Variants in PTPRK observed in about 807,000 individuals in gnomAD.
PTPRK encodes the protein receptor-type tyrosine-protein phosphatase kappa.
Under a neutral mutation model 178.0 loss-of-function variants are expected in PTPRK, and 75 were observed. That is an observed-to-expected ratio of 0.42 (90% confidence interval 0.35 to 0.51). The LOEUF is 0.51. Among genes scored for constraint, PTPRK ranks in the 20% least tolerant of loss-of-function variants. The probability of loss-of-function intolerance (pLI) is 0.02; values close to 1 mark genes in which losing one functional copy is unlikely to be tolerated. For synonymous variants in PTPRK, 637 were observed against 620.6 expected (o/e 1.03, Z -0.39); for missense variants, 1,441 against 1,797.8 (o/e 0.80, Z 3.59).
In PTPRK at chr6:128,218,809, G is replaced by C. The variant is rs957102386; in HGVS notation, c.868+113C>G. 8.4e-6 allele frequency: 8 copies of C among 950,920 alleles called. No homozygotes were observed. In the East Asian group the frequency reaches 2.1e-4, roughly 25 times the overall value. 58.9% of individuals were successfully genotyped at this position (950,920 alleles called of 1,614,324 possible). A position where few individuals can be genotyped will look rare whatever the true frequency, so the allele number is the denominator to read the frequency against. ...ATTGTATGATGATATATTTTTTATA[G>C]TGACTTGACATCAGAAACACTATGG... On this transcript the variant is annotated intron_variant, in intron 6 of 29. Coordinates refer to ENST00000368226, the MANE Select transcript of PTPRK (RefSeq NM_002844.4).
intron 1 of PTPRK, among the ~76,000 whole-genome samples, chr6:128,426,815 T>G (rs1844201323): frequency 6.6e-6 from 1 of 152,100 alleles, no homozygotes; most frequent in Non-Finnish European, 1.5e-5. Context: ...TGCCTGAAAT[T>G]AAATATATAA....
At chr6:128,096,448 T>A (rs543251805) in intron 7 of PTPRK, among the ~76,000 whole-genome samples, 2 of 152,292 alleles carry the variant, frequency 1.3e-5, no homozygotes, top group East Asian at 3.9e-4. Flanking sequence ...CCTGTCTTTT[T>A]GTAGCGATAA....
chr6:128,413,818 T>C (rs947123678), intron 1 of PTPRK, among the ~76,000 whole-genome samples: 6 of 152,208 alleles, frequency 3.9e-5, no homozygotes, highest in African/African-American at 1.4e-4. Flanking sequence ...TACCTTCCTA[T>C]ACTGACCCAA....
At chr6:128,147,837 G>A (rs73588649) in intron 7 of PTPRK, among the ~76,000 whole-genome samples, 8,871 of 152,228 alleles carry the variant, frequency 0.058, 406 homozygotes, top group African/African-American at 0.12. Context: ...AAGTTTACAA[G>A]TGTCTCCTTT....
intron 3 of PTPRK, among the ~76,000 whole-genome samples, chr6:128,247,515 T>C (rs1273348536): frequency 3.3e-5 from 5 of 152,042 alleles, no homozygotes; most frequent in African/African-American, 9.7e-5. Context: ...GACGGGGTTT[T>C]AACATGTTGG....
chr6:128,017,802 G>GTGTGTATATATATATATA (rs1287001811), intron 13 of PTPRK, among the ~76,000 whole-genome samples: 1 of 101,256 alleles, frequency 9.9e-6, no homozygotes, highest in Non-Finnish European at 2.0e-5. Flanking sequence ...ATATATATGT[G>GTGTGTATATATATATATA]TATATATATA....
At chr6:128,113,264 CACAG>C (rs1173220373) in intron 7 of PTPRK, among the ~76,000 whole-genome samples, 3 of 151,706 alleles carry the variant, frequency 2.0e-5, no homozygotes, top group African/African-American at 7.3e-5. Flanking sequence ...TACATATGTA[CACAG>C]ACAGAAGAAA....
Position 127,990,839 on chromosome 6 carries a change from T to A in PTPRK, c.3026A>T (p.Asp1009Val), listed in dbSNP as rs1776527761. 6.2e-7 allele frequency: 1 copy of A among 1,612,250 alleles called. No homozygotes were observed. The highest frequency in any genetic ancestry group is 1.3e-5 in the African/African-American group (1 of 74,956). The change falls in exon 21 of 30, where the codon GAC (aspartate) becomes GTC (valine). Residue 1009 changes from aspartate to valine, a missense_variant. Asp to Val is a radical substitution (Grantham distance 152). This residue lies in a region of PTPRK where 945 missense variants were observed against 1,080.6 expected (regional missense o/e 0.87). Transcript: ENST00000368226. The part of the protein sequence containing the change: ...YWPDDTEVYG[D>V]FKVTCVEMEP... ...CATTTCTACACACGTTACTTTGAAG[T>A]CACCATAAACTTCAGTATCATCAGG...
chr6:128,073,113 C>T (rs1290728739), intron 11 of PTPRK, among the ~76,000 whole-genome samples: 1 of 152,008 alleles, frequency 6.6e-6, no homozygotes, highest in Non-Finnish European at 1.5e-5. Context: ...AGGTATATGT[C>T]TTTCCTTTAG....
chr6:128,008,956 A>G (rs998337929), intron 14 of PTPRK, among the ~76,000 whole-genome samples, 174 bp downstream of exon 14: 4 of 151,244 alleles, frequency 2.6e-5, no homozygotes, highest in African/African-American at 9.7e-5. Context: ...GCAAATAACC[A>G]AATAAGAATT....
At position 127,973,741 on chromosome 6, in the gene PTPRK, G is replaced by A; in HGVS notation, c.4056C>T (p.Phe1352=). The change falls in exon 28 of 30, where the codon TTC becomes TTT. Residue 1352 remains phenylalanine, a synonymous_variant. Coordinates refer to ENST00000368226, the MANE Select transcript of PTPRK (RefSeq NM_002844.4). ...TTTCCACCTGAAGTATCAGTTTCAA[G>A]AATGACCTTTTGGATCCAGGCACTT... ...HREVPGSKRS[F]LKLILQVEKW... is the part of the protein sequence containing the mutation. The A allele has an allele frequency of 6.2e-7, 1 of 1,613,930 alleles. No individual in the cohort carries two copies. Among genetic ancestry groups the A allele is most frequent in the Non-Finnish European group, 8.5e-7 (1 of 1,179,890 alleles).
At chr6:128,147,040 C>T (rs549446190) in intron 7 of PTPRK, among the ~76,000 whole-genome samples, 2 of 152,094 alleles carry the variant, frequency 1.3e-5, no homozygotes, top group African/African-American at 2.4e-5. Context: ...ATTCTTCTAC[C>T]TCAGTTTGCT....
intron 1 of PTPRK, among the ~76,000 whole-genome samples, chr6:128,460,186 T>C (rs1848870426): frequency 6.6e-6 from 1 of 152,084 alleles, no homozygotes; most frequent in African/African-American, 2.4e-5. Context: ...CAGTGGAGAG[T>C]AATAATACAT....
intron 2 of PTPRK, among the ~76,000 whole-genome samples, chr6:128,329,838 G>A (rs1441240544): frequency 3.9e-5 from 6 of 151,980 alleles, no homozygotes; most frequent in South Asian, 4.1e-4. Flanking sequence ...GCACCCTATC[G>A]CTGAGTCTAA....
At chr6:128,314,305 G>A (rs1304968579) in intron 3 of PTPRK, among the ~76,000 whole-genome samples, 1 of 152,168 alleles carries the variant, frequency 6.6e-6, no homozygotes, top group African/African-American at 2.4e-5. Flanking sequence ...TAGAATTCCT[G>A]GGACTATAGG....
At chr6:128,441,862 A>G (rs1344955740) in intron 1 of PTPRK, among the ~76,000 whole-genome samples, 1 of 152,212 alleles carries the variant, frequency 6.6e-6, no homozygotes, top group Non-Finnish European at 1.5e-5. Flanking sequence ...TCTAAAGAGA[A>G]GCCATCAGAA....
At chr6:128,038,676 A>C (rs1386028335) in intron 13 of PTPRK, among the ~76,000 whole-genome samples, 1 of 152,202 alleles carries the variant, frequency 6.6e-6, no homozygotes, top group African/African-American at 2.4e-5. Flanking sequence ...AAAGCAAACT[A>C]AAGTATTTCC....
intron 1 of PTPRK, among the ~76,000 whole-genome samples, chr6:128,419,611 CAAA>C (rs55706420): frequency 1.1e-5 from 1 of 93,264 alleles, no homozygotes; most frequent in African/African-American, 3.9e-5. Context: ...GACTCCGTCT[CAAA>C]AAAAAAAAAA....
chr6:128,346,104 A>G (rs1832400997), intron 2 of PTPRK, among the ~76,000 whole-genome samples: 1 of 152,132 alleles, frequency 6.6e-6, no homozygotes. Flanking sequence ...AATCAGAAGC[A>G]GGAAAGAAAA....
Sources: gnomAD v4.1 joint callset for allele counts (sites outside exome capture counted in the v4.1 genomes callset) on GRCh38, gnomAD v4.1.1 for gene constraint, gnomAD v4.1.1 regional missense constraint, MANE v1.5 for transcripts, NCBI Gene and HGNC (gene_info 2026-07-23, HGNC 2026-07-21) for gene names.